The following ADNP variants were observed in gnomAD, a reference collection of about 807,000 sequenced individuals.
The protein encoded by ADNP is activity dependent neuroprotector homeobox.
A neutral mutation model predicts 84.9 loss-of-function variants in ADNP; 4 were observed. That is an observed-to-expected ratio of 0.05 (90% CI 0.02 to 0.11). ADNP has a LOEUF of 0.11. Among genes scored for constraint, ADNP ranks in the 10% least tolerant of loss-of-function variants. ADNP has a pLI of 1.00. For synonymous variants in ADNP, 554 were observed against 468.1 expected (o/e 1.18, Z -2.37); for missense variants, 1,132 against 1,326.0 (o/e 0.85, Z 2.27).
Position 50,893,780 on chromosome 20 carries a change from G to C in ADNP, c.934C>G (p.Pro312Ala). Residue 312 changes from proline (P) to alanine (A), a missense_variant, in exon 6 of 6, where the codon CCT becomes GCT. Physicochemically the swap from Pro to Ala is conservative, Grantham distance 27 (BLOSUM62 -1). Around this residue, in one of 10 missense-constraint regions of ADNP, gnomAD observed 239 missense variants for 213.2 expected, o/e 1.12. Coordinates refer to ENST00000621696, the MANE Select transcript of ADNP (RefSeq NM_001282531.3). This position sits in a 1 kb window ranked among gnomAD's most constrained non-coding sequence, Gnocchi z 4.4. ...TTGACTCCTGTAGAATTTAAGTTAG[G>C]CTTTGGTATTGAGAGTCGATTCACC... ...QMVNRLSIPK[P>A]NLNSTGVNMM... The C allele has an allele frequency of 6.2e-7, 1 of 1,614,154 alleles. No individual in the cohort carries two copies. Among genetic ancestry groups the C allele is most frequent in the Non-Finnish European group, 8.5e-7 (1 of 1,180,026 alleles).
At chr20:50,923,608 C>T (rs974490556) in intron 2 of ADNP, among the ~76,000 whole-genome samples, 2 of 152,152 alleles carry the variant, frequency 1.3e-5, no homozygotes, top group African/African-American at 4.8e-5. Context: ...ACCTCCGCCT[C>T]CCAGGTTCAA....
intron 2 of ADNP, among the ~76,000 whole-genome samples, chr20:50,915,525 T>C (rs1983442597): frequency 6.6e-6 from 1 of 152,250 alleles, no homozygotes; most frequent in East Asian, 1.9e-4. Flanking sequence ...TGAACAGAGG[T>C]AGCTGATTTC....
At chr20:50,919,759 G>A (rs747095690) in intron 2 of ADNP, among the ~76,000 whole-genome samples, 5 of 152,112 alleles carry the variant, frequency 3.3e-5, no homozygotes, top group Admixed American at 2.0e-4. Flanking sequence ...TCCAGAGGCC[G>A]GAAAGCAAGG....
In ADNP at chr20:50,910,600, A is replaced by T. The variant is rs957272678; in HGVS notation, c.-89-5751T>A. ...AGGCCCTGCCTCTAAATAAATAGAG[A>T]GTAACTAGCTTTTTGGTAAGCACAT... On this transcript the variant is annotated intron_variant, in intron 2 of 5. Transcript: ENST00000621696. Among the ~76,000 whole-genome samples, 18 of 152,128 alleles carry T rather than the reference A, an allele frequency of 1.2e-4. 1 individual carries two copies. Among genetic ancestry groups the T allele is most frequent in the Admixed American group, 4.6e-4 (7 of 15,266 alleles).
In ADNP at chr20:50,890,991, GCTTTT is replaced by G. The variant is rs1980635929; in HGVS notation, c.*409_*413del. 1.0e-6 allele frequency: 1 copy of G among 995,158 alleles called. No homozygotes were observed. The allele number at this position is 995,158 out of a possible 1,614,324, so 61.6% of individuals were successfully genotyped here. A position where few individuals can be genotyped will look rare whatever the true frequency, so the allele number is the denominator to read the frequency against. ...CAGAATGAATACATGAAAAAAAATC[GCTTTT>G]CCCAAAGTCTACTATACACATTAGA... On this transcript the variant is annotated 3_prime_UTR_variant, in exon 6 of 6. Transcript: ENST00000621696.
Position 50,891,031 on chromosome 20 carries a change from T to A in ADNP, c.*374A>T. On this transcript the variant is annotated 3_prime_UTR_variant, in exon 6 of 6. Coordinates refer to ENST00000621696, the MANE Select transcript of ADNP (RefSeq NM_001282531.3). ...TACTATACACATTAGACTGGTAGCT[T>A]GTATGTTGGCCCTACACTACCATGT... 9.6e-7 allele frequency: 1 copy of A among 1,036,726 alleles called. No individual in the cohort carries two copies. Among genetic ancestry groups the A allele is most frequent in the Non-Finnish European group, 1.2e-6 (1 of 863,874 alleles). 64.2% of individuals were successfully genotyped at this position (1,036,726 alleles called of 1,614,324 possible).
intron 2 of ADNP, among the ~76,000 whole-genome samples, chr20:50,926,315 T>C (rs1305386956): frequency 1.3e-5 from 2 of 152,262 alleles, no homozygotes; most frequent in Non-Finnish European, 2.9e-5. Context: ...TAACTGACTT[T>C]ATGATGCTCT....
chr20:50,889,865 A>T lies in ADNP; in HGVS notation c.*1540T>A. The T allele has an allele frequency of 2.5e-6, 1 of 398,508 alleles. No homozygotes were observed. The allele number at this position is 398,508 out of a possible 1,614,324, so 24.7% of individuals were successfully genotyped here. ...CTGTGCTCTTCAAAGCCTTTCCCTT[A>T]ATAGCAAGAGGGCCAAGAGTGGCAA... On this transcript the variant is annotated 3_prime_UTR_variant, in exon 6 of 6. Coordinates refer to ENST00000621696, the MANE Select transcript of ADNP (RefSeq NM_001282531.3).
At chr20:50,907,114 C>T (rs766537675) in intron 2 of ADNP, among the ~76,000 whole-genome samples, 71 of 151,518 alleles carry the variant, frequency 4.7e-4, no homozygotes, top group Middle Eastern at 3.5e-3. Flanking sequence ...ACTACAGGCG[C>T]CACCACCATG....
chr20:50,918,873 G>A (rs1312556275), intron 2 of ADNP, among the ~76,000 whole-genome samples: 1 of 152,188 alleles, frequency 6.6e-6, no homozygotes, highest in Non-Finnish European at 1.5e-5. Context: ...TTTCTCTCAT[G>A]CTGGTGTAGT....
chr20:50,894,999 G>A (rs1319224540), intron 5 of ADNP, among the ~76,000 whole-genome samples: 5 of 152,052 alleles, frequency 3.3e-5, no homozygotes, highest in Non-Finnish European at 7.4e-5. Context: ...TTTTGTCAGT[G>A]TAAATTAAAA....
At position 50,889,232 on chromosome 20, in the gene ADNP, C is replaced by A. The variant is rs572646339; in HGVS notation, c.*2173G>T. The A allele has an allele frequency of 6.6e-6, 1 of 152,288 alleles. No individual in the cohort carries two copies. Among genetic ancestry groups the A allele is most frequent in the East Asian group, 1.9e-4 (1 of 5,176 alleles). The allele number at this position is 152,288 out of a possible 1,614,324, so 9.4% of individuals were successfully genotyped here. On this transcript the variant is annotated 3_prime_UTR_variant, in exon 6 of 6. Transcript: ENST00000621696. The stretch of plus-strand genomic sequence containing the variant: ...TTCCGATATCCAACTGGGACCTGGA[C>A]CCCAAGCCCCGTGGTGTCTTGTACA...
At chr20:50,914,111 G>A in intron 2 of ADNP, 1 of 757,424 alleles carries the variant, frequency 1.3e-6, no homozygotes, top group Non-Finnish European at 2.4e-6. Flanking sequence ...CTAGAAGGTG[G>A]GGCTAATCCA....
At position 50,891,126 on chromosome 20, in the gene ADNP, C is replaced by G. The variant is rs1393810394; in HGVS notation, c.*279G>C. On this transcript the variant is annotated 3_prime_UTR_variant, in exon 6 of 6. Transcript: ENST00000621696. ...CAGAGGGAAAGAAATGTTGAAAAGG[C>G]AGATAAAATAAACCTCTGCTTTTCC... 8.3e-7 allele frequency: 1 copy of G among 1,209,976 alleles called. No individual in the cohort carries two copies. The highest frequency in any genetic ancestry group is 1.0e-6 in the Non-Finnish European group (1 of 973,508). 75.0% of individuals were successfully genotyped at this position (1,209,976 alleles called of 1,614,324 possible).
At chr20:50,907,914 A>G (rs16995592) in intron 2 of ADNP, among the ~76,000 whole-genome samples, 13,919 of 152,190 alleles carry the variant, frequency 0.091, 686 homozygotes, top group African/African-American at 0.13. Context: ...GTATGTTCAC[A>G]TTAACTCAGA....
Position 50,906,598 on chromosome 20 carries a change from A to C in ADNP, c.-89-1749T>G. 1.3e-5 allele frequency among the ~76,000 whole-genome samples: 2 copies of C among 152,228 alleles called. 1 individual carries two copies. Among genetic ancestry groups the C allele is most frequent in the Non-Finnish European group, 2.9e-5 (2 of 68,038 alleles). On this transcript the variant is annotated intron_variant, in intron 2 of 5. Transcript: ENST00000621696. ...CACTGGGGTCATTAGTCTATAGAAA[A>C]CATAAAAAAGAATCAAGCGGCAGCT...
intron 5 of ADNP, among the ~76,000 whole-genome samples, chr20:50,900,847 A>T (rs774980183): frequency 6.6e-6 from 1 of 152,244 alleles, no homozygotes; most frequent in African/African-American, 2.4e-5. Context: ...GACTGATTTG[A>T]AAAGTTGGCT....
At chr20:50,907,709 A>G (rs1421995156) in intron 2 of ADNP, among the ~76,000 whole-genome samples, 1 of 151,894 alleles carries the variant, frequency 6.6e-6, no homozygotes, top group African/African-American at 2.4e-5. Context: ...CAGCCCCACC[A>G]GCTGGGACTA....
intron 5 of ADNP, among the ~76,000 whole-genome samples, chr20:50,899,378 T>A (rs1981731654): frequency 6.6e-6 from 1 of 151,912 alleles, no homozygotes; most frequent in South Asian, 2.1e-4. Context: ...ACCTGGCGAA[T>A]TTTCGTATTT....
Sources: gnomAD v4.1 joint callset for allele counts (sites outside exome capture counted in the v4.1 genomes callset) on GRCh38, gnomAD v4.1.1 for gene constraint, gnomAD v4.1.1 regional missense constraint, Gnocchi (gnomAD v3.1) non-coding constraint, MANE v1.5 for transcripts, NCBI Gene and HGNC (gene_info 2026-07-23, HGNC 2026-07-21) for gene names.